The following BCAP31 variants were observed in gnomAD, a reference collection of about 807,000 sequenced individuals.
The protein encoded by BCAP31 is B cell receptor associated protein 31.
For synonymous variants in BCAP31, 75 were observed against 80.9 expected (o/e 0.93, Z 0.39); for missense variants, 124 against 193.0 (o/e 0.64, Z 2.12).
chrX:153,717,338 T>C (rs1202595871), intron 3 of BCAP31, among the ~76,000 whole-genome samples: 2 of 112,725 alleles, frequency 1.8e-5, no homozygotes, highest in African/African-American at 6.4e-5. Flanking sequence ...CCATGCATCC[T>C]GAGACATCGT....
chrX:153,710,412 T>C (rs781986303), intron 4 of BCAP31, among the ~76,000 whole-genome samples: 6 of 111,284 alleles, frequency 5.4e-5, no homozygotes, highest in Non-Finnish European at 9.4e-5. Context: ...CTTCTGGAGG[T>C]TGGCTACTTG....
chrX:153,723,248 G>A lies in BCAP31; in HGVS notation c.-4C>T, dbSNP rs183202552. The A allele has an allele frequency of 8.6e-5, 104 of 1,207,130 alleles. 1 individual carries two copies. The African/African-American group carries it at 1.8e-3, about 21-fold the overall frequency. On this transcript the variant is annotated 5_prime_UTR_variant, in exon 2 of 8. Coordinates refer to ENST00000345046, the MANE Select transcript of BCAP31 (RefSeq NM_001256447.2). ...CTGCAGTCCACTGCAGACTCATCCT[G>A]TTGCTAGAAGGTTTCCCACAGGAAG...
chrX:153,716,578 C>CAAAAAAA (rs782072647), intron 3 of BCAP31, among the ~76,000 whole-genome samples: 1 of 27,365 alleles, frequency 3.7e-5, no homozygotes, highest in African/African-American at 8.4e-5. Context: ...TCTCTCTCAA[C>CAAAAAAA]AAAAAAAAAA....
At chrX:153,722,022 T>C (rs1557051168) in intron 2 of BCAP31, among the ~76,000 whole-genome samples, 2 of 112,173 alleles carry the variant, frequency 1.8e-5, no homozygotes, top group African/African-American at 6.5e-5. Flanking sequence ...GTTTGCCCCA[T>C]ACACGTTATT....
rs782607514 is a variant in BCAP31, at chrX:153,703,070, G to A, written c.478-12C>T. 3.2e-5 allele frequency: 39 copies of A among 1,207,191 alleles called. No individual in the cohort carries two copies. The South Asian group carries it at 6.3e-4, about 20-fold the overall frequency. On this transcript the variant is annotated splice_polypyrimidine_tract_variant and intron_variant, in intron 5 of 7. Coordinates refer to ENST00000345046, the MANE Select transcript of BCAP31 (RefSeq NM_001256447.2). Reference sequence around the variant, plus strand: ...TCAACAGCAGCTCCCTGGGAAAAGTGCCAAAGGCCAGGGTTACTCAGGAGG... The same window carrying A: ...TCAACAGCAGCTCCCTGGGAAAAGTACCAAAGGCCAGGGTTACTCAGGAGG...
chrX:153,712,402 C>CT (rs1253146156), intron 4 of BCAP31, among the ~76,000 whole-genome samples: 24 of 21,633 alleles, frequency 1.1e-3, no homozygotes, highest in South Asian at 0.012. Context: ...GACCTTGTCT[C>CT]AAAAAAAATA....
chrX:153,714,048 T>C (rs1349143023), intron 4 of BCAP31, among the ~76,000 whole-genome samples: 3 of 107,838 alleles, frequency 2.8e-5, no homozygotes, highest in African/African-American at 1.0e-4. Context: ...CTAATTTTTT[T>C]GTATTGTTAG....
chrX:153,718,441 C>T (rs2091644041), intron 3 of BCAP31, among the ~76,000 whole-genome samples: 1 of 110,469 alleles, frequency 9.1e-6, no homozygotes, highest in Non-Finnish European at 1.9e-5. Flanking sequence ...CCAGCTCAGG[C>T]GTGGAATGCT....
chrX:153,708,454 C>T (rs1603225321), intron 4 of BCAP31, among the ~76,000 whole-genome samples: 1 of 112,357 alleles, frequency 8.9e-6, no homozygotes, highest in Non-Finnish European at 1.9e-5. Flanking sequence ...GGGTTTCAGG[C>T]GAGTCAAGTC....
intron 6 of BCAP31, 163 bp from the exon 7 acceptor site, chrX:153,702,270 C>T (rs1233007206): frequency 4.6e-6 from 2 of 439,056 alleles, no homozygotes; most frequent in Non-Finnish European, 7.8e-6. Context: ...TTTGCAGGCC[C>T]CCAAAGTAGA....
intron 4 of BCAP31, among the ~76,000 whole-genome samples, chrX:153,706,648 C>T (rs1450678698): frequency 8.9e-6 from 1 of 112,912 alleles, no homozygotes; most frequent in Non-Finnish European, 1.9e-5. Flanking sequence ...ACCTAACCTC[C>T]TGCTAAACAT....
intron 3 of BCAP31, among the ~76,000 whole-genome samples, chrX:153,720,271 C>A (rs975973789): frequency 1.8e-5 from 2 of 110,859 alleles, no homozygotes; most frequent in African/African-American, 6.6e-5. Context: ...AGGCGTCCCT[C>A]CTTCCAAGGT....
At chrX:153,706,546 C>T (rs1557048320) in intron 4 of BCAP31, among the ~76,000 whole-genome samples, 2 of 112,708 alleles carry the variant, frequency 1.8e-5, no homozygotes, top group African/African-American at 6.5e-5. Context: ...TATTCTGCTC[C>T]CTCTGGGGTC....
At chrX:153,717,924 A>G (rs192550211) in intron 3 of BCAP31, among the ~76,000 whole-genome samples, 65 of 112,721 alleles carry the variant, frequency 5.8e-4, no homozygotes, top group African/African-American at 1.9e-3. Context: ...AAGTATTTGC[A>G]TAAATTTGCA....
intron 3 of BCAP31, among the ~76,000 whole-genome samples, chrX:153,718,317 C>CAAAAAAAAAA (rs60097594): frequency 1.6e-4 from 5 of 30,505 alleles, no homozygotes; most frequent in African/African-American, 5.1e-4. Context: ...GATTCCATCT[C>CAAAAAAAAAA]AAAAAAAAAA....
chrX:153,713,055 A>G (rs1297400014), intron 4 of BCAP31, among the ~76,000 whole-genome samples: 1 of 111,336 alleles, frequency 9.0e-6, no homozygotes, highest in Non-Finnish European at 1.9e-5. Flanking sequence ...AAAATACAAA[A>G]AATTAGCAGG....
intron 3 of BCAP31, among the ~76,000 whole-genome samples, chrX:153,720,118 A>G: frequency 9.0e-6 from 1 of 111,725 alleles, no homozygotes; most frequent in African/African-American, 3.3e-5. Context: ...TTGGTTGCTC[A>G]GTCCCCCATT....
intron 4 of BCAP31, among the ~76,000 whole-genome samples, chrX:153,708,717 A>G (rs2091570564): frequency 8.8e-6 from 1 of 112,999 alleles, no homozygotes. Context: ...CAGGGCTTCC[A>G]CTGCCCTCAG....
At position 153,720,997 on chromosome X, in the gene BCAP31, G is replaced by C. The variant is rs371404035; in HGVS notation, c.93-25C>G. The C allele has an allele frequency of 2.4e-5, 28 of 1,175,374 alleles. No homozygotes were observed. In the African/African-American group the frequency reaches 4.8e-4, roughly 20 times the overall value. ...TCTGTGAAGAAGACAAAAAGGACAG[G>C]AGTTGAAGAGAAAGCACACACACGA... On this transcript the variant is annotated intron_variant, in intron 2 of 7. Coordinates refer to ENST00000345046, the MANE Select transcript of BCAP31 (RefSeq NM_001256447.2).
Sources: allele counts gnomAD v4.1 joint callset (sites outside exome capture counted in the v4.1 genomes callset), GRCh38; gene constraint gnomAD v4.1.1; transcripts MANE v1.5; gene names NCBI Gene and HGNC (gene_info 2026-07-23, HGNC 2026-07-21).